Variants in ENG observed in about 807,000 individuals in gnomAD.
The protein encoded by ENG is CD105 antigen.
A neutral mutation model predicts 71.0 loss-of-function variants in ENG; 17 were observed. The observed-to-expected ratio is 0.24, with a 90% confidence interval of 0.16 to 0.36. The LOEUF is 0.36. Among genes scored for constraint, ENG ranks in the 10% least tolerant of loss-of-function variants. The pLI, the probability that ENG is intolerant of heterozygous loss-of-function variation, is 1.00. For synonymous variants in ENG, 360 were observed against 366.9 expected (o/e 0.98, Z 0.21); for missense variants, 749 against 868.3 (o/e 0.86, Z 1.73).
Position 127,838,270 on chromosome 9 carries a change from G to T in ENG, c.219+4824C>A, listed in dbSNP as rs1168647024. On this transcript the variant is annotated intron_variant, in intron 2 of 14. Coordinates refer to ENST00000373203, the MANE Select transcript of ENG (RefSeq NM_001114753.3). This position sits in a 1 kb window ranked among gnomAD's most constrained non-coding sequence, Gnocchi z 4.3. Reference sequence around the variant, plus strand: ...GGTACCCAGAGCATCATCTAGAAGGGAGGGGTGCAGGTTTCAGGGGGGTAC... The same window carrying T: ...GGTACCCAGAGCATCATCTAGAAGGTAGGGGTGCAGGTTTCAGGGGGGTAC... Among the ~76,000 whole-genome samples the T allele has an allele frequency of 6.6e-6, 1 of 152,214 alleles. No homozygotes were observed. The highest frequency in any genetic ancestry group is 2.4e-5 in the African/African-American group (1 of 41,454).
chr9:127,851,830 A>G (rs1487381571), intron 1 of ENG, among the ~76,000 whole-genome samples: 3 of 152,128 alleles, frequency 2.0e-5, no homozygotes, highest in Non-Finnish European at 4.4e-5. Context: ...GCGAGCCTAG[A>G]TTGTGCCATT....
At position 127,829,804 on chromosome 9, in the gene ENG, A is replaced by G; in HGVS notation, c.243T>C (p.Thr81=). 6.2e-7 allele frequency: 1 copy of G among 1,614,010 alleles called. No homozygotes were observed. Among genetic ancestry groups the G allele is most frequent in the African/African-American group, 1.3e-5 (1 of 75,012 alleles). Residue 81 remains threonine (T), a synonymous_variant, in exon 3 of 15, where the codon ACT becomes ACC. Transcript: ENST00000373203. ...FPTGPSQLEL[T]LQASKQNGTW... is the part of the protein sequence containing the mutation. ...TGCCATTTTGCTTGGATGCCTGGAGAGTCAGCTCCAGCTGTGACGGGCCCT... is the reference window on the plus strand; with the variant it reads ...TGCCATTTTGCTTGGATGCCTGGAGGGTCAGCTCCAGCTGTGACGGGCCCT...
rs1830984010 is a variant in ENG at position 127,839,792 on chromosome 9, G to A, written c.219+3302C>T. Among the ~76,000 whole-genome samples the A allele has an allele frequency of 2.0e-5, 3 of 152,118 alleles. 1 individual carries two copies. Among genetic ancestry groups the A allele is most frequent in the South Asian group, 4.1e-4 (2 of 4,824 alleles). On this transcript the variant is annotated intron_variant, in intron 2 of 14. Transcript: ENST00000373203. ...GCTAGTCTCGAACTCCTGACCTCAA[G>A]TGATCTGCCTGCCTCAGCCTCGCAA...
At chr9:127,843,751 ATATATTTTTTTTTTTTTT>A (rs1831103043) in intron 1 of ENG, among the ~76,000 whole-genome samples, 9 of 13,814 alleles carry the variant, frequency 6.5e-4, no homozygotes, top group Non-Finnish European at 2.1e-3. Flanking sequence ...ATATATATAT[ATATATTTTTTTTTTTTTT>A]TTTTTTTTTT....
chr9:127,830,374 G>A (rs1830735113), intron 2 of ENG, among the ~76,000 whole-genome samples: 1 of 150,532 alleles, frequency 6.6e-6, no homozygotes. Context: ...CGGGCATGGT[G>A]GTTCACACCT....
Position 127,818,386 on chromosome 9 carries a change from G to C in ENG, c.1429-9C>G. The C allele has an allele frequency of 6.2e-7, 1 of 1,612,994 alleles. No individual in the cohort carries two copies. The highest frequency in any genetic ancestry group is 8.5e-7 in the Non-Finnish European group (1 of 1,179,994). The stretch of plus-strand genomic sequence containing the variant: ...GATGGGGACACTCTGACCTGCATGG[G>C]TAGGTAGGGCCACGCGGCATGGGCA... On this transcript the variant is annotated splice_polypyrimidine_tract_variant and intron_variant, in intron 11 of 14. Coordinates refer to ENST00000373203, the MANE Select transcript of ENG (RefSeq NM_001114753.3).
chr9:127,826,457 A>G (rs1830617764), intron 4 of ENG, 53 bp downstream of exon 4: 2 of 1,609,504 alleles, frequency 1.2e-6, no homozygotes, highest in Non-Finnish European at 1.7e-6. Flanking sequence ...AGAGGAGCTC[A>G]GATTCCTCCT....
At position 127,831,534 on chromosome 9, in the gene ENG, C is replaced by T. The variant is rs577467096; in HGVS notation, c.220-1707G>A. On this transcript the variant is annotated intron_variant, in intron 2 of 14. Transcript: ENST00000373203. Reference sequence around the variant, plus strand: ...TCCCGAGTAGCTGGGACTATAGGCGCCCACTACCATGCCTGGCTAAGTTTT... The same window carrying T: ...TCCCGAGTAGCTGGGACTATAGGCGTCCACTACCATGCCTGGCTAAGTTTT... Among the ~76,000 whole-genome samples the T allele has an allele frequency of 1.3e-3, 192 of 150,756 alleles. 2 individuals carry two copies. The highest frequency in any genetic ancestry group is 4.4e-3 in the African/African-American group (180 of 40,976).
At chr9:127,824,546 T>A (rs1351345776) in intron 7 of ENG, 100 bp from the exon 8 acceptor site, 394 of 1,314,892 alleles carry the variant, frequency 3.0e-4, no homozygotes, top group Non-Finnish European at 3.7e-4. Flanking sequence ...TGAGACGGAG[T>A]TTTGCTCTGT....
rs1830607835 is a variant in ENG at position 127,826,022 on chromosome 9, C to CA, written c.524-163dup. Among the ~76,000 whole-genome samples, 3 of 152,198 alleles carry CA rather than the reference C, an allele frequency of 2.0e-5. No homozygotes were observed. The South Asian group carries it at 6.2e-4, about 32-fold the overall frequency. On this transcript the variant is annotated intron_variant, in intron 4 of 14. Transcript: ENST00000373203. ...AGGTTCGAACTTCCCTTCCACCACTCACCTGCCAAGTGACCCTGTGCAAGT... is the reference window on the plus strand; with the variant it reads ...AGGTTCGAACTTCCCTTCCACCACTCAACCTGCCAAGTGACCCTGTGCAAGT...
chr9:127,824,726 G>A, intron 7 of ENG, 74 bp downstream of exon 7: 2 of 1,420,602 alleles, frequency 1.4e-6, no homozygotes, highest in Non-Finnish European at 1.9e-6. Context: ...CTCACACAGA[G>A]GTGCTTCACC....
Position 127,836,945 on chromosome 9 carries a change from G to A in ENG, c.219+6149C>T, listed in dbSNP as rs1446151731. ...TGGGACTACAGGCACCCACCACCAT[G>A]CTCAGCTAATTTTTGTATTTTTAGT... is the stretch of plus-strand genomic sequence containing the variant. On this transcript the variant is annotated intron_variant, in intron 2 of 14. Transcript: ENST00000373203. The surrounding 1 kb of genome is among the most constrained non-coding windows in gnomAD (Gnocchi z 4.0). Among the ~76,000 whole-genome samples, 1 of 152,142 alleles carries A rather than the reference G, an allele frequency of 6.6e-6. No individual in the cohort carries two copies. The highest frequency in any genetic ancestry group is 1.9e-4 in the East Asian group (1 of 5,198).
rs1255950854 is a variant in ENG at position 127,824,870 on chromosome 9, A to G, written c.921T>C (p.Asn307=). Residue 307 remains asparagine, a synonymous_variant, in exon 7 of 15, where the codon AAT becomes AAC. Transcript: ENST00000373203. ...CCACGAAGGATGCCACAATGCTGGC[A>G]TTGAGCATCCGGGCCTCCCCCAGGA... ...QGLLGEARML[N]ASIVASFVEL... is the part of the protein sequence containing the mutation. The G allele has an allele frequency of 6.2e-7, 1 of 1,611,122 alleles. No individual in the cohort carries two copies. Among genetic ancestry groups the G allele is most frequent in the Non-Finnish European group, 8.5e-7 (1 of 1,178,994 alleles).
intron 14 of ENG, 26 bp from the exon 15 acceptor site, chr9:127,815,832 C>T (rs774779781): frequency 2.1e-5 from 32 of 1,548,094 alleles, no homozygotes; most frequent in Middle Eastern, 4.0e-4. Flanking sequence ...GGGGCAGGGG[C>T]GGAGGTCAGG....
intron 1 of ENG, among the ~76,000 whole-genome samples, chr9:127,844,244 G>C (rs1831117824): frequency 6.6e-6 from 1 of 151,592 alleles, no homozygotes; most frequent in South Asian, 2.1e-4. Flanking sequence ...TCCTGCCTCA[G>C]CCTCCCGAGC....
At chr9:127,842,061 G>A (rs1026430893) in intron 2 of ENG, among the ~76,000 whole-genome samples, 2 of 152,154 alleles carry the variant, frequency 1.3e-5, no homozygotes, top group South Asian at 4.1e-4. Flanking sequence ...CAGGACAGAC[G>A]TATCAGACAA....
chr9:127,838,762 C>T lies in ENG; in HGVS notation c.219+4332G>A, dbSNP rs888770171. Among the ~76,000 whole-genome samples, 1 of 152,186 alleles carries T rather than the reference C, an allele frequency of 6.6e-6. No individual in the cohort carries two copies. Among genetic ancestry groups the T allele is most frequent in the African/African-American group, 2.4e-5 (1 of 41,436 alleles). On this transcript the variant is annotated intron_variant, in intron 2 of 14. Transcript: ENST00000373203. This position sits in a 1 kb window ranked among gnomAD's most constrained non-coding sequence, Gnocchi z 4.3. ...CAGGATGTGACCCTGGGCCCCCTCCCGGAATCCAGGCTCCGGCCTGCCCTT... is the reference window on the plus strand; with the variant it reads ...CAGGATGTGACCCTGGGCCCCCTCCTGGAATCCAGGCTCCGGCCTGCCCTT...
chr9:127,835,947 G>C (rs950398317), intron 2 of ENG, among the ~76,000 whole-genome samples: 12 of 152,204 alleles, frequency 7.9e-5, no homozygotes, highest in African/African-American at 2.4e-4. Context: ...AGGGCAGGTA[G>C]GAGGTGGGGG....
chr9:127,824,696 G>T, intron 7 of ENG, 104 bp downstream of exon 7: 1 of 1,301,832 alleles, frequency 7.7e-7, no homozygotes, highest in Non-Finnish European at 1.0e-6. Context: ...GCTCAGAGAG[G>T]CTGATGTACC....
Sources: gnomAD v4.1 joint callset for allele counts (sites outside exome capture counted in the v4.1 genomes callset) on GRCh38, gnomAD v4.1.1 for gene constraint, Gnocchi (gnomAD v3.1) non-coding constraint, MANE v1.5 for transcripts, NCBI Gene and HGNC (gene_info 2026-07-23, HGNC 2026-07-21) for gene names.